Variants in NKAIN3 observed in about 807,000 individuals in gnomAD.
NKAIN3 encodes sodium/potassium-transporting ATPase subunit beta-1-interacting protein 3.
A neutral mutation model predicts 30.2 loss-of-function variants in NKAIN3; 25 were observed. That is an observed-to-expected ratio of 0.83 (90% confidence interval 0.60 to 1.16). NKAIN3 has a LOEUF of 1.16. NKAIN3 is among the 50% of genes most tolerant of loss of function. NKAIN3 has a pLI of 0.00. For missense variants in NKAIN3, 225 were observed against 254.1 expected (o/e 0.89, Z 0.78); for synonymous variants, 91 against 89.6 (o/e 1.02, Z -0.09).
intron 1 of NKAIN3, among the ~76,000 whole-genome samples, chr8:62,389,257 A>G (rs1195375925): frequency 6.6e-6 from 1 of 152,222 alleles, no homozygotes; most frequent in Non-Finnish European, 1.5e-5. Context: ...GTTTCAATAC[A>G]TGTATACATG....
intron 1 of NKAIN3, among the ~76,000 whole-genome samples, chr8:62,269,466 T>G (rs1398372494): frequency 2.0e-5 from 3 of 152,164 alleles, no homozygotes; most frequent in Non-Finnish European, 2.9e-5. Context: ...GCCCATTATT[T>G]TTTTTACTCC....
At chr8:62,412,996 A>G (rs1042935581) in intron 1 of NKAIN3, among the ~76,000 whole-genome samples, 1 of 152,094 alleles carries the variant, frequency 6.6e-6, no homozygotes, top group African/African-American at 2.4e-5. Flanking sequence ...ACATGAACAG[A>G]AACTTCTCTA....
At chr8:62,254,362 T>C (rs1286075590) in intron 1 of NKAIN3, among the ~76,000 whole-genome samples, 1 of 152,030 alleles carries the variant, frequency 6.6e-6, no homozygotes, top group Non-Finnish European at 1.5e-5. Context: ...TATTGGTATT[T>C]AAAAAGCCCT....
intron 4 of NKAIN3, among the ~76,000 whole-genome samples, chr8:62,898,205 C>T (rs1022510963): frequency 4.2e-5 from 6 of 141,572 alleles, no homozygotes; most frequent in Non-Finnish European, 6.1e-5. Context: ...TTAGTTTGGG[C>T]AATAAGAAAA....
At chr8:62,952,511 C>T (rs971725892) in intron 5 of NKAIN3, among the ~76,000 whole-genome samples, 8 of 152,152 alleles carry the variant, frequency 5.3e-5, no homozygotes, top group African/African-American at 1.9e-4. Flanking sequence ...CTCTTCCCTT[C>T]CCTTCATCAA....
chr8:62,888,074 T>C (rs1282607791), intron 4 of NKAIN3, among the ~76,000 whole-genome samples: 2 of 152,312 alleles, frequency 1.3e-5, no homozygotes, highest in African/African-American at 4.8e-5. Context: ...GTCTCAGTTT[T>C]TGAGCCTCTG....
intron 4 of NKAIN3, among the ~76,000 whole-genome samples, chr8:62,859,281 A>G (rs62510826): frequency 0.083 from 12,587 of 152,060 alleles, 581 homozygotes; most frequent in South Asian, 0.14. Flanking sequence ...CCCACTGTGG[A>G]TAGCTGGATA....
chr8:62,433,486 A>G (rs995520253), intron 1 of NKAIN3, among the ~76,000 whole-genome samples: 1 of 152,200 alleles, frequency 6.6e-6, no homozygotes, highest in Admixed American at 6.6e-5. Flanking sequence ...CAGATATGGG[A>G]TCTGGGTAAG....
chr8:62,920,106 A>G (rs1453521899), intron 5 of NKAIN3, among the ~76,000 whole-genome samples: 1 of 152,230 alleles, frequency 6.6e-6, no homozygotes, highest in African/African-American at 2.4e-5. Flanking sequence ...GACAGGCTGC[A>G]CAGCCAAAAA....
intron 4 of NKAIN3, among the ~76,000 whole-genome samples, chr8:62,910,200 G>A (rs948961465): frequency 2.0e-5 from 3 of 152,080 alleles, no homozygotes; most frequent in African/African-American, 7.2e-5. Context: ...TTCAGAAAAT[G>A]CAGTTAAACC....
At chr8:62,456,857 G>A (rs951045606) in intron 1 of NKAIN3, among the ~76,000 whole-genome samples, 2 of 152,234 alleles carry the variant, frequency 1.3e-5, no homozygotes, top group Admixed American at 1.3e-4. Context: ...GCCTTCGTTA[G>A]AACGATTCCT....
At chr8:62,937,289 C>T (rs1051098586) in intron 5 of NKAIN3, among the ~76,000 whole-genome samples, 1 of 152,224 alleles carries the variant, frequency 6.6e-6, no homozygotes, top group African/African-American at 2.4e-5. Flanking sequence ...TGAAAGAATT[C>T]GTAGAGCCTT....
In NKAIN3 at chr8:62,990,347, C is replaced by A. The variant is rs78771240; in HGVS notation, c.533-8884C>A. The A allele has an allele frequency of 6.6e-4, 879 of 1,328,192 alleles. 4 individuals carry two copies. The African/African-American group carries it at 0.012, about 19-fold the overall frequency. 82.3% of individuals were successfully genotyped at this position (1,328,192 alleles called of 1,614,324 possible). A position where few individuals can be genotyped will look rare whatever the true frequency, so the allele number is the denominator to read the frequency against. ...TCATTCTAAACCCCAGATTCAACAT[C>A]TTCCTAATCTTTCTAGTGCAGTCTA... is the stretch of plus-strand genomic sequence containing the variant. On this transcript the variant is annotated intron_variant, in intron 5 of 5. Coordinates refer to the NKAIN3 transcript ENST00000519049.
At chr8:62,483,417 CAT>C (rs997491414) in intron 1 of NKAIN3, 2 of 208,910 alleles carry the variant, frequency 9.6e-6, no homozygotes, top group Non-Finnish European at 1.0e-5. Flanking sequence ...TTCAGCATTT[CAT>C]AAAGTATTAT....
chr8:62,257,648 A>G (rs1812305301), intron 1 of NKAIN3, among the ~76,000 whole-genome samples: 1 of 152,210 alleles, frequency 6.6e-6, no homozygotes, highest in African/African-American at 2.4e-5. Context: ...TCAGTTCCAT[A>G]GGGACAGATT....
intron 4 of NKAIN3, among the ~76,000 whole-genome samples, chr8:62,810,155 A>T (rs1314357762): frequency 6.6e-6 from 1 of 152,134 alleles, no homozygotes; most frequent in African/African-American, 2.4e-5. Flanking sequence ...TGAGTTTTAG[A>T]TTCTGGGTAG....
chr8:62,771,267 A>AT (rs1441615627), intron 4 of NKAIN3, among the ~76,000 whole-genome samples: 4 of 152,172 alleles, frequency 2.6e-5, no homozygotes, highest in African/African-American at 9.7e-5. Context: ...ATCTCCACAA[A>AT]AAATAAATGA....
chr8:62,735,125 T>G lies in NKAIN3; in HGVS notation c.274-11807T>G, dbSNP rs978331826. On this transcript the variant is annotated intron_variant, in intron 3 of 6. Coordinates refer to ENST00000623646, the MANE Select transcript of NKAIN3 (RefSeq NM_001304533.3). The stretch of plus-strand genomic sequence containing the variant: ...GAATTTCTCAGGTGTTTTTTGAGCT[T>G]CTTATATTTAGATGTCTAGATCTCT... Among the ~76,000 whole-genome samples, 3 of 152,206 alleles carry G rather than the reference T, an allele frequency of 2.0e-5. No individual in the cohort carries two copies. The South Asian group carries it at 6.2e-4, about 31-fold the overall frequency.
intron 4 of NKAIN3, among the ~76,000 whole-genome samples, chr8:62,859,508 T>TACAAAAAAAAAAAAAAAAAAAAAA (rs1820173136): frequency 1.7e-5 from 1 of 60,442 alleles, no homozygotes; most frequent in Non-Finnish European, 3.4e-5. Flanking sequence ...TTACTTCAAC[T>TACAAAAAAAAAAAAAAAAAAAAAA]AAAAAAAAAA....
Sources: gnomAD v4.1 joint callset for allele counts (sites outside exome capture counted in the v4.1 genomes callset) on GRCh38, gnomAD v4.1.1 for gene constraint, MANE v1.5 for transcripts, NCBI Gene and HGNC (gene_info 2026-07-23, HGNC 2026-07-21) for gene names.